The following SMURF1 variants were observed in gnomAD, a reference collection of about 807,000 sequenced individuals.
SMURF1 encodes the protein SMAD specific E3 ubiquitin protein ligase 1.
In SMURF1, 44 loss-of-function variants were observed where a neutral mutation model predicts 98.0. That is an observed-to-expected ratio of 0.45 (90% confidence interval 0.35 to 0.58). The LOEUF is 0.58. SMURF1 is among the 20% of genes least tolerant of loss of function. The pLI, the probability that SMURF1 is intolerant of heterozygous loss-of-function variation, is 0.00. For synonymous variants in SMURF1, 396 were observed against 374.9 expected (o/e 1.06, Z -0.65); for missense variants, 687 against 938.4 (o/e 0.73, Z 3.50).
chr7:99,037,746 G>A (rs1303837531), intron 14 of SMURF1, among the ~76,000 whole-genome samples: 1 of 152,232 alleles, frequency 6.6e-6, no homozygotes, highest in Non-Finnish European at 1.5e-5. Flanking sequence ...CACATCAATT[G>A]CTGCAATGTG....
chr7:99,091,065 T>C (rs990048157), intron 1 of SMURF1, among the ~76,000 whole-genome samples: 1 of 152,204 alleles, frequency 6.6e-6, no homozygotes, highest in East Asian at 1.9e-4. Flanking sequence ...AGAGGCCACA[T>C]GGCCTGCAAA....
In SMURF1 at chr7:99,030,686, G is replaced by T. The variant is rs1794841091; in HGVS notation, c.2097-3C>A. 2 of 1,612,292 alleles carry T rather than the reference G, an allele frequency of 1.2e-6. No homozygotes were observed. The highest frequency in any genetic ancestry group is 1.7e-6 in the Non-Finnish European group (2 of 1,179,152). On this transcript the variant is annotated splice_region_variant and splice_polypyrimidine_tract_variant and intron_variant, in intron 17 of 17. Coordinates refer to ENST00000361368, the MANE Select transcript of SMURF1 (RefSeq NM_181349.3). ...GTGGAATGTCGATCCGGTTAAAGCT[G>T]AAAAAGGACAAAAGAGAGTCACCGT...
In SMURF1 at chr7:99,029,957, C is replaced by T. The variant is rs1794820702; in HGVS notation, c.*627G>A. 3 of 152,230 alleles carry T rather than the reference C, an allele frequency of 2.0e-5. No homozygotes were observed. The highest frequency in any genetic ancestry group is 7.2e-5 in the African/African-American group (3 of 41,464). The allele number at this position is 152,230 out of a possible 1,614,324, so 9.4% of individuals were successfully genotyped here. A position where few individuals can be genotyped will look rare whatever the true frequency, so the allele number is the denominator to read the frequency against. On this transcript the variant is annotated 3_prime_UTR_variant, in exon 18 of 18. Transcript: ENST00000361368. The stretch of plus-strand genomic sequence containing the variant: ...TCCTGGGCCTCCAGGAAAAGCTGCT[C>T]CAATTCCTTCTCCTTTCAAAGGGGA...
intron 11 of SMURF1, 26 bp from the exon 12 acceptor site, chr7:99,042,258 T>G: frequency 6.6e-7 from 1 of 1,508,824 alleles, no homozygotes; most frequent in Non-Finnish European, 9.1e-7. Flanking sequence ...AAAAATGCAT[T>G]TGAGACGCGC....
intron 1 of SMURF1, among the ~76,000 whole-genome samples, chr7:99,130,159 T>C (rs1797839995): frequency 6.6e-6 from 1 of 152,148 alleles, no homozygotes; most frequent in Non-Finnish European, 1.5e-5. Flanking sequence ...TGTTTAAAAA[T>C]ACTCCCAAAT....
Position 99,060,561 on chromosome 7 carries a change from T to G in SMURF1, c.203+38A>C, listed in dbSNP as rs749825680. 3 of 1,471,808 alleles carry G rather than the reference T, an allele frequency of 2.0e-6. 1 individual carries two copies. The South Asian group carries it at 3.5e-5, about 17-fold the overall frequency. The allele number at this position is 1,471,808 out of a possible 1,614,324, so 91.2% of individuals were successfully genotyped here. ...CGTAAAAGGTAGACACCTGCTTTCC[T>G]GCCGCTCCGCATGGGGCTTACAGAA... On this transcript the variant is annotated intron_variant, in intron 3 of 17. Transcript: ENST00000361368.
intron 1 of SMURF1, among the ~76,000 whole-genome samples, chr7:99,134,604 G>A (rs1012760282): frequency 5.4e-4 from 82 of 152,132 alleles, no homozygotes; most frequent in African/African-American, 1.8e-3. Context: ...GCTTTTTAAA[G>A]CACTTCTAAA....
chr7:99,092,626 CTG>C (rs985141040), intron 1 of SMURF1, among the ~76,000 whole-genome samples: 6 of 152,180 alleles, frequency 3.9e-5, no homozygotes, highest in African/African-American at 1.4e-4. Flanking sequence ...GTGTTGGTGA[CTG>C]TGCTGTTTAG....
In SMURF1 at chr7:99,032,175, G is replaced by A. The variant is rs138387768; in HGVS notation, c.2096+862C>T. On this transcript the variant is annotated intron_variant, in intron 17 of 17. Coordinates refer to ENST00000361368, the MANE Select transcript of SMURF1 (RefSeq NM_181349.3). ...GCAGAGAGGAAGACTTGAGCCTGCTGGAGTGGTAGCCACACTCCACTGAAA... is the reference window on the plus strand; with the variant it reads ...GCAGAGAGGAAGACTTGAGCCTGCTAGAGTGGTAGCCACACTCCACTGAAA... Among the ~76,000 whole-genome samples, 2 of 152,272 alleles carry A rather than the reference G, an allele frequency of 1.3e-5. 1 individual carries two copies. Among genetic ancestry groups the A allele is most frequent in the African/African-American group, 4.8e-5 (2 of 41,548 alleles).
intron 1 of SMURF1, among the ~76,000 whole-genome samples, chr7:99,109,538 T>C (rs1052913583): frequency 2.6e-5 from 4 of 152,088 alleles, no homozygotes; most frequent in Non-Finnish European, 5.9e-5. Flanking sequence ...TGCACCAAGC[T>C]CCAAAACTGT....
At position 99,042,220 on chromosome 7, in the gene SMURF1, G is replaced by A. The variant is rs747526395; in HGVS notation, c.1269C>T (p.Tyr423=). The A allele has an allele frequency of 2.5e-6, 4 of 1,612,122 alleles. No homozygotes were observed. In the East Asian group the frequency reaches 8.9e-5, roughly 36 times the overall value. ...DYGGVAREWL[Y]LLCHEMLNPY... ...GATTCAGCATTTCATGGCACAGCAA[G>A]TAAAGCCACTCCCTGGGAGCAAACA... is the stretch of plus-strand genomic sequence containing the variant. Residue 423 remains tyrosine (Y), a synonymous_variant, in exon 12 of 18, where the codon TAC becomes TAT. Coordinates refer to ENST00000361368, the MANE Select transcript of SMURF1 (RefSeq NM_181349.3).
intron 6 of SMURF1, among the ~76,000 whole-genome samples, chr7:99,053,638 C>T (rs544705051): frequency 6.6e-6 from 1 of 152,222 alleles, no homozygotes; most frequent in South Asian, 2.1e-4. Context: ...ACAGAAGGCC[C>T]CATTCTGGAT....
chr7:99,095,435 C>G (rs751298568), intron 1 of SMURF1, among the ~76,000 whole-genome samples: 3 of 152,144 alleles, frequency 2.0e-5, no homozygotes, highest in Non-Finnish European at 4.4e-5. Flanking sequence ...CACTGAGATG[C>G]CTGCTTGGGT....
intron 1 of SMURF1, among the ~76,000 whole-genome samples, chr7:99,104,043 C>G (rs775116346): frequency 1.3e-5 from 2 of 151,956 alleles, no homozygotes; most frequent in East Asian, 1.9e-4. Flanking sequence ...TGCGTCACCA[C>G]GCCTGGGTAA....
chr7:99,057,115 C>T lies in SMURF1; in HGVS notation c.403+90G>A, dbSNP rs138816233. 1.2e-3 allele frequency: 1,700 copies of T among 1,392,882 alleles called. 19 individuals carry two copies. The African/African-American group carries it at 0.02, about 17-fold the overall frequency. The allele number at this position is 1,392,882 out of a possible 1,614,324, so 86.3% of individuals were successfully genotyped here. A position where few individuals can be genotyped will look rare whatever the true frequency, so the allele number is the denominator to read the frequency against. Reference sequence around the variant, plus strand: ...TCTGTCCTCTGAGGCCCGTCAGCATCGTCAGTGCCTGTATGTGAGTTCTCG... The same window carrying T: ...TCTGTCCTCTGAGGCCCGTCAGCATTGTCAGTGCCTGTATGTGAGTTCTCG... On this transcript the variant is annotated intron_variant, in intron 5 of 17. Coordinates refer to ENST00000361368, the MANE Select transcript of SMURF1 (RefSeq NM_181349.3).
intron 17 of SMURF1, 91 bp from the exon 18 acceptor site, chr7:99,030,774 G>A: frequency 1.1e-6 from 1 of 912,410 alleles, no homozygotes; most frequent in Non-Finnish European, 1.7e-6. Context: ...AGTATATGTG[G>A]GAGGGGAGAG....
intron 8 of SMURF1, among the ~76,000 whole-genome samples, 155 bp downstream of exon 8, chr7:99,051,202 C>A (rs1253617850): frequency 6.6e-6 from 1 of 152,154 alleles, no homozygotes; most frequent in African/African-American, 2.4e-5. Context: ...CTACTCCCCC[C>A]ACCCCAGCTT....
intron 1 of SMURF1, among the ~76,000 whole-genome samples, chr7:99,103,307 C>T (rs1451794331): frequency 2.6e-5 from 4 of 152,122 alleles, no homozygotes; most frequent in African/African-American, 9.7e-5. Context: ...TTTTCCTAAG[C>T]CTCCTGTGAA....
In SMURF1 at chr7:99,029,487, G is replaced by C. The variant is rs1408615359; in HGVS notation, c.*1097C>G. 1.3e-5 allele frequency: 2 copies of C among 152,252 alleles called. No individual in the cohort carries two copies. The allele number at this position is 152,252 out of a possible 1,614,324, so 9.4% of individuals were successfully genotyped here. A position where few individuals can be genotyped will look rare whatever the true frequency, so the allele number is the denominator to read the frequency against. On this transcript the variant is annotated 3_prime_UTR_variant, in exon 18 of 18. Transcript: ENST00000361368. ...ACTGGGAAAGGGGCCACATGAGGCAGTGAGTGTGAAGTCGTCCCCCTCTGC... is the reference window on the plus strand; with the variant it reads ...ACTGGGAAAGGGGCCACATGAGGCACTGAGTGTGAAGTCGTCCCCCTCTGC...
Sources: allele counts gnomAD v4.1 joint callset (sites outside exome capture counted in the v4.1 genomes callset), GRCh38; gene constraint gnomAD v4.1.1; transcripts MANE v1.5; gene names NCBI Gene and HGNC (gene_info 2026-07-23, HGNC 2026-07-21).